Variants in CDK15 observed in about 807,000 individuals in gnomAD.
CDK15 encodes cyclin-dependent kinase 15.
Under a neutral mutation model 60.3 loss-of-function variants are expected in CDK15, and 62 were observed. The observed-to-expected ratio is 1.03, with a 90% CI of 0.84 to 1.27. CDK15 has a LOEUF of 1.27. Among genes scored for constraint, CDK15 ranks in the 50% most tolerant of loss-of-function variants. CDK15 has a pLI of 0.00. For synonymous variants in CDK15, 194 were observed against 195.7 expected (o/e 0.99, Z 0.07); for missense variants, 541 against 527.8 (o/e 1.03, Z -0.25).
At chr2:201,848,623 G>A (rs1465148449) in intron 9 of CDK15, among the ~76,000 whole-genome samples, 1 of 151,912 alleles carries the variant, frequency 6.6e-6, no homozygotes, top group African/African-American at 2.4e-5. Context: ...CCTATTCTAG[G>A]TACCTCATAT....
intron 3 of CDK15, among the ~76,000 whole-genome samples, chr2:201,810,231 A>G (rs1012692263): frequency 6.6e-5 from 10 of 152,170 alleles, no homozygotes; most frequent in African/African-American, 2.4e-4. Flanking sequence ...GTATATGCAA[A>G]ATAGTTCAAT....
chr2:201,820,977 C>T (rs1574856049), intron 4 of CDK15, among the ~76,000 whole-genome samples: 1 of 152,140 alleles, frequency 6.6e-6, no homozygotes, highest in Non-Finnish European at 1.5e-5. Flanking sequence ...GAGAGAAATT[C>T]ACTGGCTCAC....
In CDK15 at chr2:201,818,148, A is replaced by ATGCC. The variant is rs200687320; in HGVS notation, c.449-4660_449-4657dup. 6.2e-3 allele frequency among the ~76,000 whole-genome samples: 949 copies of ATGCC among 152,244 alleles called. 12 individuals carry two copies. Among genetic ancestry groups the ATGCC allele is most frequent in the African/African-American group, 0.021 (881 of 41,536 alleles). On this transcript the variant is annotated intron_variant, in intron 4 of 13. Transcript: ENST00000652192. The stretch of plus-strand genomic sequence containing the variant: ...TTCATGAGCACTTATTGAGCACCAC[A>ATGCC]TGCCAGGCCTGTGCTAGTGCTGGAG...
At chr2:201,845,159 A>G (rs11339404) in intron 8 of CDK15, among the ~76,000 whole-genome samples, 20 of 11,130 alleles carry the variant, frequency 1.8e-3, no homozygotes, top group Non-Finnish European at 4.7e-3. Context: ...AAAAAAAAAG[A>G]AAAAAAAAAA....
chr2:201,811,204 G>A (rs527996592), intron 3 of CDK15, among the ~76,000 whole-genome samples: 36 of 150,024 alleles, frequency 2.4e-4, no homozygotes, highest in African/African-American at 8.1e-4. Flanking sequence ...AGGCTGGAGT[G>A]CAGTGGCACG....
intron 11 of CDK15, among the ~76,000 whole-genome samples, chr2:201,879,570 G>C (rs997925079): frequency 4.6e-5 from 7 of 152,158 alleles, no homozygotes; most frequent in African/African-American, 1.7e-4. Flanking sequence ...AGTAGAGACA[G>C]GGTTTCGCCA....
chr2:201,878,423 A>C (rs984503247), intron 11 of CDK15, among the ~76,000 whole-genome samples: 2 of 152,100 alleles, frequency 1.3e-5, no homozygotes, highest in Non-Finnish European at 2.9e-5. Context: ...CCTGTCAGTC[A>C]AGGCCTGCCT....
At chr2:201,871,903 A>G (rs1698863244) in intron 10 of CDK15, among the ~76,000 whole-genome samples, 1 of 151,914 alleles carries the variant, frequency 6.6e-6, no homozygotes, top group African/African-American at 2.4e-5. Flanking sequence ...ACGCACGTCT[A>G]TTTCTGGGTC....
At chr2:201,886,560 G>C (rs1005985252) in intron 12 of CDK15, among the ~76,000 whole-genome samples, 2 of 152,092 alleles carry the variant, frequency 1.3e-5, no homozygotes, top group Admixed American at 6.6e-5. Flanking sequence ...CCTGACCTCA[G>C]GTGATCCACC....
chr2:201,877,709 A>G (rs1220446751), intron 11 of CDK15, among the ~76,000 whole-genome samples: 1 of 152,212 alleles, frequency 6.6e-6, no homozygotes, highest in Non-Finnish European at 1.5e-5. Context: ...TCTTCAGGCC[A>G]CAGCAAATGA....
At position 201,894,547 on chromosome 2, in the gene CDK15, T is replaced by C. The variant is rs1030172396; in HGVS notation, c.*1280T>C. On this transcript the variant is annotated 3_prime_UTR_variant, in exon 14 of 14. Transcript: ENST00000652192. ...CCGTGGTGTGCTACAAGGTTCAGTC[T>C]TGAGTCCTATTCTGGTCAAATATTT... 7.9e-5 allele frequency: 12 copies of C among 152,256 alleles called. No homozygotes were observed. The highest frequency in any genetic ancestry group is 2.9e-4 in the African/African-American group (12 of 41,456). 9.4% of individuals were successfully genotyped at this position (152,256 alleles called of 1,614,324 possible).
At position 201,861,423 on chromosome 2, in the gene CDK15, T is replaced by C. The variant is rs888211550; in HGVS notation, c.1009+6486T>C. 1.8e-5 allele frequency: 18 copies of C among 985,398 alleles called. No individual in the cohort carries two copies. The African/African-American group carries it at 3.1e-4, about 17-fold the overall frequency. 61.0% of individuals were successfully genotyped at this position (985,398 alleles called of 1,614,324 possible). On this transcript the variant is annotated intron_variant, in intron 10 of 13. Coordinates refer to ENST00000652192, the MANE Select transcript of CDK15 (RefSeq NM_001366386.2). ...CCTTGTTCTCCTTTCATTAATCATG[T>C]TGTATCCCTCTGTCTCATTTTGCAG...
chr2:201,848,747 G>A (rs1697778528), intron 9 of CDK15, among the ~76,000 whole-genome samples: 1 of 152,144 alleles, frequency 6.6e-6, no homozygotes, highest in South Asian at 2.1e-4. Context: ...GCGGGGTGCA[G>A]GGGGGTACTT....
At position 201,833,939 on chromosome 2, in the gene CDK15, G is replaced by A. The variant is rs1696890403; in HGVS notation, c.698G>A (p.Ser233Asn). The change falls in exon 7 of 14, where the codon AGT becomes AAT. Residue 233 changes from serine to asparagine, a missense_variant. By Grantham distance (46) the Ser-to-Asn change is conservative. Coordinates refer to ENST00000652192, the MANE Select transcript of CDK15 (RefSeq NM_001366386.2). ...CTGAAACCTCAGAACTTACTCATCA[G>A]TCACCTGGGAGAGCTCAAACTGGCT... ...RDLKPQNLLI[S>N]HLGELKLADF... 1.2e-6 allele frequency: 2 copies of A among 1,613,758 alleles called. No individual in the cohort carries two copies. Among genetic ancestry groups the A allele is most frequent in the Admixed American group, 1.7e-5 (1 of 59,972 alleles).
chr2:201,860,528 G>A (rs1218103333), intron 10 of CDK15, among the ~76,000 whole-genome samples: 1 of 152,172 alleles, frequency 6.6e-6, no homozygotes, highest in Non-Finnish European at 1.5e-5. Flanking sequence ...CAGCCGCAGG[G>A]AAGCATCCGG....
chr2:201,852,195 T>C (rs1298056589), intron 9 of CDK15, among the ~76,000 whole-genome samples: 1 of 152,256 alleles, frequency 6.6e-6, no homozygotes, highest in African/African-American at 2.4e-5. Flanking sequence ...AGATTATAAA[T>C]AGTTCCTGAA....
intron 6 of CDK15, among the ~76,000 whole-genome samples, chr2:201,829,570 T>C (rs1696659056): frequency 6.6e-6 from 1 of 152,074 alleles, no homozygotes; most frequent in African/African-American, 2.4e-5. Flanking sequence ...TTGAGGTGAT[T>C]ATGGGATGTA....
intron 4 of CDK15, among the ~76,000 whole-genome samples, chr2:201,821,189 A>G (rs906961248): frequency 6.6e-6 from 1 of 152,122 alleles, no homozygotes; most frequent in African/African-American, 2.4e-5. Context: ...TTCTTTTCTA[A>G]TGGCACCAGC....
At chr2:201,811,439 T>C (rs901856595) in intron 3 of CDK15, among the ~76,000 whole-genome samples, 2 of 152,196 alleles carry the variant, frequency 1.3e-5, no homozygotes, top group South Asian at 4.1e-4. Flanking sequence ...CGTGAGCCAC[T>C]GTGCCCGGCC....
Sources: gnomAD v4.1 joint callset for allele counts (sites outside exome capture counted in the v4.1 genomes callset) on GRCh38, gnomAD v4.1.1 for gene constraint, MANE v1.5 for transcripts, NCBI Gene and HGNC (gene_info 2026-07-23, HGNC 2026-07-21) for gene names.